The following SLC23A2 variants were observed in gnomAD, a reference collection of about 807,000 sequenced individuals.
SLC23A2 encodes the protein solute carrier family 23 member 2.
A neutral mutation model predicts 73.3 loss-of-function variants in SLC23A2; 36 were observed. The ratio of observed to expected loss-of-function variants is 0.49; its 90% CI spans 0.38 to 0.65. SLC23A2 has a LOEUF of 0.65. Ranked by LOEUF, SLC23A2 falls within the 30% of genes least tolerant of loss-of-function variation. SLC23A2 has a pLI of 0.00. For missense variants in SLC23A2, 507 were observed against 841.6 expected (o/e 0.60, Z 4.92); for synonymous variants, 343 against 327.3 (o/e 1.05, Z -0.52).
At chr20:4,999,453 G>C (rs1236385059) in intron 1 of SLC23A2, among the ~76,000 whole-genome samples, 2 of 152,016 alleles carry the variant, frequency 1.3e-5, no homozygotes, top group African/African-American at 4.8e-5. Context: ...ACTAGAGTTT[G>C]CTCCATCAAT....
At chr20:4,910,338 C>T (rs1752895816) in intron 4 of SLC23A2, among the ~76,000 whole-genome samples, 1 of 150,760 alleles carries the variant, frequency 6.6e-6, no homozygotes, top group African/African-American at 2.4e-5. Context: ...GACTGGGCCA[C>T]TCCACTTCAG....
intron 2 of SLC23A2, among the ~76,000 whole-genome samples, chr20:4,943,836 G>C (rs1038902398): frequency 1.3e-5 from 2 of 152,220 alleles, no homozygotes; most frequent in African/African-American, 4.8e-5. Flanking sequence ...AGGCATGCTA[G>C]TTAGCAACAA....
chr20:4,954,216 C>T (rs2087247277), intron 2 of SLC23A2, among the ~76,000 whole-genome samples: 1 of 152,094 alleles, frequency 6.6e-6, no homozygotes, highest in African/African-American at 2.4e-5. Flanking sequence ...CAAGCATAGG[C>T]CCCATGTCCA....
At chr20:4,982,660 G>A (rs915678087) in intron 1 of SLC23A2, among the ~76,000 whole-genome samples, 2 of 152,146 alleles carry the variant, frequency 1.3e-5, no homozygotes, top group African/African-American at 4.8e-5. Flanking sequence ...TACATACAAA[G>A]ATACTAGGAT....
At chr20:4,878,226 G>A (rs977105845) in intron 9 of SLC23A2, among the ~76,000 whole-genome samples, 10 of 150,970 alleles carry the variant, frequency 6.6e-5, no homozygotes, top group African/African-American at 9.7e-5. Flanking sequence ...TCATTCTGTC[G>A]CCCAGACTGG....
chr20:4,923,121 C>G (rs546397141), intron 3 of SLC23A2, among the ~76,000 whole-genome samples: 66 of 151,874 alleles, frequency 4.3e-4, no homozygotes, highest in Non-Finnish European at 9.0e-4. Flanking sequence ...AGTTAAAAAT[C>G]TAGGACTGGG....
Position 4,951,678 on chromosome 20 carries a change from A to G in SLC23A2, c.-154-18962T>C, listed in dbSNP as rs369158073. 3.7e-4 allele frequency among the ~76,000 whole-genome samples: 57 copies of G among 152,300 alleles called. 1 individual carries two copies. In the South Asian group the frequency reaches 0.012, roughly 31 times the overall value. On this transcript the variant is annotated intron_variant, in intron 2 of 16. Transcript: ENST00000338244. ...TTAGGATTCTCTGCAGGATGAAAAAAAGTGCTAAAATTGTATTGTGGTGAT... is the reference window on the plus strand; with the variant it reads ...TTAGGATTCTCTGCAGGATGAAAAAGAGTGCTAAAATTGTATTGTGGTGAT...
rs1170187164 is a variant in SLC23A2 at position 4,857,277 on chromosome 20, A to AAC, written c.1721-75_1721-74dup. The AAC allele has an allele frequency of 1.0e-4, 60 of 589,982 alleles. No homozygotes were observed. The highest frequency in any genetic ancestry group is 1.4e-4 in the African/African-American group (6 of 43,786). The allele number at this position is 589,982 out of a possible 1,614,324, so 36.5% of individuals were successfully genotyped here. On this transcript the variant is annotated intron_variant, in intron 16 of 16. Transcript: ENST00000338244. The surrounding 1 kb of genome is among the most constrained non-coding windows in gnomAD (Gnocchi z 4.0). ...TCTACTGAAAATGAAACTGTCGTCA[A>AAC]ACACATACACACACACACACACACA... is the stretch of plus-strand genomic sequence containing the variant.
In SLC23A2 at chr20:4,998,076, G is replaced by A. The variant is rs2088053778; in HGVS notation, c.-282+3330C>T. ...CCAGAATTATACGAAACAAATTTCC[G>A]TTGTTTAAGCCACCCACACTGTGCT... On this transcript the variant is annotated intron_variant, in intron 1 of 16. Coordinates refer to ENST00000338244, the MANE Select transcript of SLC23A2 (RefSeq NM_005116.6). This position sits in a 1 kb window ranked among gnomAD's most constrained non-coding sequence, Gnocchi z 4.1. 6.6e-6 allele frequency among the ~76,000 whole-genome samples: 1 copy of A among 152,122 alleles called. No individual in the cohort carries two copies. Among genetic ancestry groups the A allele is most frequent in the South Asian group, 2.1e-4 (1 of 4,830 alleles).
At chr20:5,006,639 C>G (rs1214793167) in intron 1 of SLC23A2, among the ~76,000 whole-genome samples, 1 of 151,710 alleles carries the variant, frequency 6.6e-6, no homozygotes, top group Non-Finnish European at 1.5e-5. Flanking sequence ...AATCTTGGCT[C>G]AAGCAATTCT....
At chr20:4,976,343 G>T (rs1328637436) in intron 1 of SLC23A2, among the ~76,000 whole-genome samples, 1 of 152,002 alleles carries the variant, frequency 6.6e-6, no homozygotes, top group Non-Finnish European at 1.5e-5. Flanking sequence ...AGTCATACTA[G>T]TATCTTTTTG....
intron 3 of SLC23A2, among the ~76,000 whole-genome samples, chr20:4,925,091 G>C (rs1035529023): frequency 6.6e-6 from 1 of 152,056 alleles, no homozygotes; most frequent in African/African-American, 2.4e-5. Flanking sequence ...GCTGAGGTGG[G>C]AGGATGGCTT....
chr20:4,984,700 C>A (rs188630071), intron 1 of SLC23A2, among the ~76,000 whole-genome samples: 21 of 152,198 alleles, frequency 1.4e-4, no homozygotes, highest in African/African-American at 4.6e-4. Context: ...AAATGCAAAC[C>A]AAAACCACTG....
intron 9 of SLC23A2, among the ~76,000 whole-genome samples, chr20:4,878,588 C>T (rs926808550): frequency 1.3e-5 from 2 of 152,216 alleles, no homozygotes; most frequent in African/African-American, 4.8e-5. Context: ...TCTCCCCTCC[C>T]TTAGGATTAA....
intron 6 of SLC23A2, among the ~76,000 whole-genome samples, chr20:4,887,094 G>T (rs544555479): frequency 1.3e-5 from 2 of 152,158 alleles, no homozygotes; most frequent in Non-Finnish European, 1.5e-5. Context: ...GAGTAGGAAG[G>T]GTGCTGGCTT....
chr20:4,884,657 G>C (rs1416949327), intron 8 of SLC23A2, 96 bp downstream of exon 8: 2 of 791,010 alleles, frequency 2.5e-6, no homozygotes, highest in African/African-American at 1.7e-5. Context: ...AGAAAAGAAG[G>C]GCTCAGTAAA....
intron 3 of SLC23A2, among the ~76,000 whole-genome samples, chr20:4,920,188 G>A (rs1335175040): frequency 6.6e-6 from 1 of 152,180 alleles, no homozygotes. Context: ...TTGAACCTGG[G>A]AGGCAGAGGT....
intron 1 of SLC23A2, among the ~76,000 whole-genome samples, chr20:5,000,859 C>G (rs1172936349): frequency 6.6e-6 from 1 of 152,134 alleles, no homozygotes; most frequent in Non-Finnish European, 1.5e-5. Context: ...GGAGCTGCTT[C>G]TAAAATTACT....
chr20:4,958,884 T>C (rs2087334665), intron 2 of SLC23A2, among the ~76,000 whole-genome samples: 1 of 152,088 alleles, frequency 6.6e-6, no homozygotes, highest in South Asian at 2.1e-4. Flanking sequence ...AAAATACAAT[T>C]TGATTTTTAA....
Sources: allele counts gnomAD v4.1 joint callset (sites outside exome capture counted in the v4.1 genomes callset), GRCh38; gene constraint gnomAD v4.1.1; non-coding constraint Gnocchi (gnomAD v3.1); transcripts MANE v1.5; gene names NCBI Gene and HGNC (gene_info 2026-07-23, HGNC 2026-07-21).